TP63: variants seen among roughly 807,000 people sequenced by gnomAD.
TP63 encodes tumor protein 63.
In TP63, 17 loss-of-function variants were observed where a neutral mutation model predicts 82.8. That is an observed-to-expected ratio of 0.21 (90% CI 0.14 to 0.31). The LOEUF is 0.31. Among genes scored for constraint, TP63 ranks in the 10% least tolerant of loss-of-function variants. The pLI is 1.00. For synonymous variants in TP63, 330 were observed against 321.7 expected (o/e 1.03, Z -0.28); for missense variants, 648 against 895.3 (o/e 0.72, Z 3.52).
At position 189,840,521 on chromosome 3, in the gene TP63, A is replaced by T. The variant is rs1197304706; in HGVS notation, c.580-23711A>T. On this transcript the variant is annotated intron_variant, in intron 4 of 13. Coordinates refer to ENST00000264731, the MANE Select transcript of TP63 (RefSeq NM_003722.5). ...GAGAGAGATGGGAGAGGGTGAGAAT[A>T]CACAGTAAGGACTTGGAACATATTC... Among the ~76,000 whole-genome samples the T allele has an allele frequency of 2.6e-5, 4 of 151,780 alleles. No individual in the cohort carries two copies. In the East Asian group the frequency reaches 7.7e-4, roughly 29 times the overall value.
At chr3:189,876,319 C>T (rs969979784) in intron 10 of TP63, among the ~76,000 whole-genome samples, 5 of 152,036 alleles carry the variant, frequency 3.3e-5, no homozygotes, top group Non-Finnish European at 5.9e-5. Flanking sequence ...GATGAGTATC[C>T]AGTGCTTATT....
intron 3 of TP63, among the ~76,000 whole-genome samples, chr3:189,740,003 A>G (rs1237664331): frequency 6.6e-6 from 1 of 152,158 alleles, no homozygotes; most frequent in Non-Finnish European, 1.5e-5. Context: ...TGTACTGCTT[A>G]ATATTGGGAG....
intron 3 of TP63, among the ~76,000 whole-genome samples, chr3:189,752,270 C>T (rs1289340465): frequency 2.6e-5 from 4 of 152,142 alleles, no homozygotes; most frequent in Non-Finnish European, 5.9e-5. Context: ...ACCTCCTAGG[C>T]TCACCTGATC....
chr3:189,655,844 G>T (rs746358288), intron 1 of TP63, among the ~76,000 whole-genome samples: 3 of 152,092 alleles, frequency 2.0e-5, no homozygotes, highest in Non-Finnish European at 4.4e-5. Context: ...TAACCCATCA[G>T]GTTCTCACTG....
chr3:189,885,904 A>T (rs965999853), intron 10 of TP63, among the ~76,000 whole-genome samples: 1 of 152,122 alleles, frequency 6.6e-6, no homozygotes, highest in African/African-American at 2.4e-5. Context: ...GCCCAGTTTG[A>T]TTGGGTTTGT....
At chr3:189,867,781 C>A in intron 6 of TP63, 52 bp from the exon 7 acceptor site, 1 of 1,508,092 alleles carries the variant, frequency 6.6e-7, no homozygotes, top group Non-Finnish European at 9.2e-7. Context: ...TGAGAAGGAA[C>A]AACGTCAGTT....
At chr3:189,819,515 A>T (rs1015422699) in intron 4 of TP63, among the ~76,000 whole-genome samples, 1 of 151,844 alleles carries the variant, frequency 6.6e-6, no homozygotes, top group African/African-American at 2.4e-5. Context: ...TCATTGTTCA[A>T]TTCCTACCTA....
At position 189,889,351 on chromosome 3, in the gene TP63, G is replaced by A. The variant is rs1394017323; in HGVS notation, c.1519G>A (p.Gly507Ser). The change falls in exon 12 of 14, where the codon GGC becomes AGC. Residue 507 changes from glycine (G) to serine (S), a missense_variant. Gly to Ser is a moderately conservative substitution (Grantham distance 56). Around this residue, in one of 5 missense-constraint regions of TP63, gnomAD observed 342 missense variants for 425.7 expected, o/e 0.80. Transcript: ENST00000264731. ...DGMGANIPMM[G>S]THMPMAGDMN... Reference sequence around the variant, plus strand: ...CTGCTTCTGTTCAGTTCCCATGATGGGCACCCACATGCCAATGGCTGGAGA... The same window carrying A: ...CTGCTTCTGTTCAGTTCCCATGATGAGCACCCACATGCCAATGGCTGGAGA... 1.2e-6 allele frequency: 2 copies of A among 1,613,908 alleles called. No individual in the cohort carries two copies. Among genetic ancestry groups the A allele is most frequent in the African/African-American group, 1.3e-5 (1 of 74,868 alleles).
intron 3 of TP63, among the ~76,000 whole-genome samples, chr3:189,784,505 G>C (rs1184386203): frequency 6.6e-6 from 1 of 152,022 alleles, no homozygotes; most frequent in Non-Finnish European, 1.5e-5. Flanking sequence ...AATGAACATA[G>C]TATCTAAGGC....
At chr3:189,720,350 TATA>T (rs1472618612) in intron 1 of TP63, among the ~76,000 whole-genome samples, 1 of 152,208 alleles carries the variant, frequency 6.6e-6, no homozygotes, top group Non-Finnish European at 1.5e-5. Flanking sequence ...TTGGCTTAAG[TATA>T]TTTCATTTAC....
chr3:189,720,958 A>G (rs1419381809), intron 1 of TP63, among the ~76,000 whole-genome samples: 1 of 152,200 alleles, frequency 6.6e-6, no homozygotes, highest in Non-Finnish European at 1.5e-5. Flanking sequence ...GGGTGAGGCC[A>G]GAGGGCCTAT....
chr3:189,710,895 G>A (rs1211511045), intron 1 of TP63, among the ~76,000 whole-genome samples: 1 of 152,132 alleles, frequency 6.6e-6, no homozygotes, highest in Non-Finnish European at 1.5e-5. Flanking sequence ...AGAGCAGGGG[G>A]AATTCCTGTG....
chr3:189,784,050 C>G (rs946891887), intron 3 of TP63, among the ~76,000 whole-genome samples: 3 of 151,848 alleles, frequency 2.0e-5, no homozygotes, highest in Non-Finnish European at 4.4e-5. Context: ...ACCATAGAAA[C>G]TTTTAATGTA....
chr3:189,847,319 T>C (rs972790863), intron 4 of TP63, among the ~76,000 whole-genome samples: 29 of 152,224 alleles, frequency 1.9e-4, no homozygotes, highest in Middle Eastern at 3.4e-3. Flanking sequence ...GATTGCACCA[T>C]TGCACTCCAG....
Position 189,886,535 on chromosome 3 carries a change from T to C in TP63, c.1491T>C (p.Asp497=), listed in dbSNP as rs774913351. The C allele has an allele frequency of 5.0e-6, 8 of 1,614,056 alleles. No individual in the cohort carries two copies. The highest frequency in any genetic ancestry group is 1.7e-5 in the Admixed American group (1 of 60,026). ...CCCTCACTCCTACAACCATTCCTGATGGCATGGGAGCCAACAGTAAGAGCA... is the reference window on the plus strand; with the variant it reads ...CCCTCACTCCTACAACCATTCCTGACGGCATGGGAGCCAACAGTAAGAGCA... The part of the protein sequence containing the change: ...RNALTPTTIP[D]GMGANIPMMG... Residue 497 remains aspartate, a synonymous_variant, in exon 11 of 14, where the codon GAT becomes GAC. Transcript: ENST00000264731.
At chr3:189,677,395 T>TGG (rs1452540059) in intron 1 of TP63, among the ~76,000 whole-genome samples, 12 of 99,738 alleles carry the variant, frequency 1.2e-4, no homozygotes, top group African/African-American at 5.2e-4. Context: ...TATAAATATG[T>TGG]GTGTATATAT....
intron 1 of TP63, among the ~76,000 whole-genome samples, chr3:189,699,775 A>G (rs1046940611): frequency 8.5e-5 from 13 of 152,180 alleles, no homozygotes; most frequent in African/African-American, 2.7e-4. Context: ...TATTATAGAT[A>G]ATTTAAATTT....
intron 1 of TP63, among the ~76,000 whole-genome samples, chr3:189,726,181 G>A (rs6789055): frequency 0.041 from 6,228 of 152,094 alleles, 436 homozygotes; most frequent in African/African-American, 0.14. Context: ...CCATATGAAC[G>A]TCACTCGGTC....
intron 1 of TP63, among the ~76,000 whole-genome samples, chr3:189,645,622 C>T (rs1410947815): frequency 6.7e-6 from 1 of 148,464 alleles, no homozygotes; most frequent in East Asian, 2.3e-4. Flanking sequence ...TGTCATTTAG[C>T]GTTAGGTATA....
Sources: allele counts gnomAD v4.1 joint callset (sites outside exome capture counted in the v4.1 genomes callset), GRCh38; gene constraint gnomAD v4.1.1; regional missense constraint gnomAD v4.1.1; transcripts MANE v1.5; gene names NCBI Gene and HGNC (gene_info 2026-07-23, HGNC 2026-07-21).